DLG5: variants seen among roughly 807,000 people sequenced by gnomAD.
The protein encoded by DLG5 is discs large MAGUK scaffold protein 5.
Under a neutral mutation model 189.8 loss-of-function variants are expected in DLG5, and 48 were observed. The ratio of observed to expected loss-of-function variants is 0.25; its 90% CI spans 0.20 to 0.32. The LOEUF (loss-of-function observed/expected upper bound fraction) is 0.32, where lower values mean the gene tolerates loss of function less well. DLG5 is among the 10% of genes least tolerant of loss of function. The probability of loss-of-function intolerance (pLI) is 1.00; values close to 1 mark genes in which losing one functional copy is unlikely to be tolerated. For synonymous variants in DLG5, 1,016 were observed against 1,054.1 expected (o/e 0.96, Z 0.70); for missense variants, 2,160 against 2,544.7 (o/e 0.85, Z 3.25).
At chr10:77,853,594 A>C in intron 4 of DLG5, 57 bp from the exon 5 acceptor site, 2 of 1,421,850 alleles carry the variant, frequency 1.4e-6, no homozygotes, top group Non-Finnish European at 1.9e-6. Context: ...ACCCCGCCCC[A>C]CCCCAGGGCA....
chr10:77,894,142 G>A lies in DLG5; in HGVS notation c.305-24945C>T, dbSNP rs956880544. ...AGCCTGTGTGTGTGAGAGGCTGCACGTGCACATACAAAAACAGCAAGGTAT... is the reference window on the plus strand; with the variant it reads ...AGCCTGTGTGTGTGAGAGGCTGCACATGCACATACAAAAACAGCAAGGTAT... On this transcript the variant is annotated intron_variant, in intron 1 of 31. Coordinates refer to ENST00000372391, the MANE Select transcript of DLG5 (RefSeq NM_004747.4). Among the ~76,000 whole-genome samples, 5 of 152,186 alleles carry A rather than the reference G, an allele frequency of 3.3e-5. No individual in the cohort carries two copies. In the East Asian group the frequency reaches 9.6e-4, roughly 29 times the overall value.
Position 77,796,235 on chromosome 10 carries a change from G to C in DLG5, c.5309-47C>G, listed in dbSNP as rs1840915471. On this transcript the variant is annotated intron_variant, in intron 28 of 31. Coordinates refer to ENST00000372391, the MANE Select transcript of DLG5 (RefSeq NM_004747.4). This position sits in a 1 kb window ranked among gnomAD's most constrained non-coding sequence, Gnocchi z 5.2. Reference sequence around the variant, plus strand: ...ATCAGGGAGCCCCAGGCCCTGCTGAGCCCCAGCAGAGGGAGCAGGGGAAGA... The same window carrying C: ...ATCAGGGAGCCCCAGGCCCTGCTGACCCCCAGCAGAGGGAGCAGGGGAAGA... 1.2e-6 allele frequency: 2 copies of C among 1,613,036 alleles called. No homozygotes were observed. Among genetic ancestry groups the C allele is most frequent in the Admixed American group, 1.7e-5 (1 of 60,006 alleles).
chr10:77,825,231 C>T (rs1385024149), intron 13 of DLG5, among the ~76,000 whole-genome samples: 1 of 152,088 alleles, frequency 6.6e-6, no homozygotes, highest in African/African-American at 2.4e-5. Context: ...AAAAAATCAG[C>T]TGCCAGGGGG....
At chr10:77,877,457 AG>A (rs1352234634) in intron 1 of DLG5, among the ~76,000 whole-genome samples, 2 of 152,180 alleles carry the variant, frequency 1.3e-5, no homozygotes, top group Non-Finnish European at 2.9e-5. Context: ...AGCGAAGCAA[AG>A]GCTCCTGGAG....
chr10:77,869,475 G>A (rs138022798), intron 1 of DLG5: 239 of 451,974 alleles, frequency 5.3e-4, no homozygotes, highest in African/African-American at 4.8e-3. Flanking sequence ...GGGACATCTG[G>A]GGAAAGGCTT....
chr10:77,893,040 C>T (rs1352395124), intron 1 of DLG5, among the ~76,000 whole-genome samples: 1 of 152,252 alleles, frequency 6.6e-6, no homozygotes, highest in Non-Finnish European at 1.5e-5. Context: ...CTAGTCCCAG[C>T]CCTGCCTCTG....
At chr10:77,893,112 T>C (rs1845658626) in intron 1 of DLG5, among the ~76,000 whole-genome samples, 1 of 152,238 alleles carries the variant, frequency 6.6e-6, no homozygotes. Context: ...AAGCTCAGTT[T>C]CTTCCATTCT....
At chr10:77,866,063 A>C (rs1844669434) in intron 2 of DLG5, among the ~76,000 whole-genome samples, 1 of 152,188 alleles carries the variant, frequency 6.6e-6, no homozygotes, top group African/African-American at 2.4e-5. Flanking sequence ...TCCTAAGATC[A>C]CCATGTGACC....
At chr10:77,904,611 G>T (rs1248880) in intron 1 of DLG5, among the ~76,000 whole-genome samples, 1 of 151,666 alleles carries the variant, frequency 6.6e-6, no homozygotes, top group Non-Finnish European at 1.5e-5. Context: ...GTAAGTCTCG[G>T]GAGATCTGAT....
At chr10:77,844,122 G>A (rs1005900043) in intron 5 of DLG5, among the ~76,000 whole-genome samples, 2 of 152,158 alleles carry the variant, frequency 1.3e-5, no homozygotes, top group African/African-American at 2.4e-5. Flanking sequence ...GGCTTATGCT[G>A]AACACCTGCT....
intron 1 of DLG5, among the ~76,000 whole-genome samples, chr10:77,905,880 A>G (rs759629018): frequency 1.3e-5 from 2 of 152,174 alleles, no homozygotes; most frequent in East Asian, 1.9e-4. Context: ...GTATTGTTCT[A>G]TATCAGCAAT....
rs1842035419 is a variant in DLG5 at position 77,816,096 on chromosome 10, G to T, written c.4025+455C>A. On this transcript the variant is annotated intron_variant, in intron 20 of 31. Coordinates refer to ENST00000372391, the MANE Select transcript of DLG5 (RefSeq NM_004747.4). Reference sequence around the variant, plus strand: ...TCGAATGAGAGGGAAAAAGCAAAGGGTAAGAATGAGTCCCGGTGCCAGCCA... The same window carrying T: ...TCGAATGAGAGGGAAAAAGCAAAGGTTAAGAATGAGTCCCGGTGCCAGCCA... 1.0e-4 allele frequency: 49 copies of T among 468,920 alleles called. 2 individuals carry two copies. Among genetic ancestry groups the T allele is most frequent in the South Asian group, 7.6e-4 (49 of 64,682 alleles). The allele number at this position is 468,920 out of a possible 1,614,324, so 29.0% of individuals were successfully genotyped here.
At chr10:77,865,142 G>C (rs1023475428) in intron 2 of DLG5, among the ~76,000 whole-genome samples, 2 of 152,158 alleles carry the variant, frequency 1.3e-5, no homozygotes, top group African/African-American at 4.8e-5. Flanking sequence ...GAACAGAATA[G>C]CCAGTCGTGC....
intron 27 of DLG5, among the ~76,000 whole-genome samples, chr10:77,802,375 T>A (rs1841251375): frequency 6.6e-6 from 1 of 152,160 alleles, no homozygotes; most frequent in South Asian, 2.1e-4. Flanking sequence ...AAAATGGACA[T>A]TTTCAGACAC....
chr10:77,882,106 G>T (rs1190255997), intron 1 of DLG5, among the ~76,000 whole-genome samples: 1 of 152,220 alleles, frequency 6.6e-6, no homozygotes, highest in East Asian at 1.9e-4. Flanking sequence ...GGCTCCTGAG[G>T]TCATGGAGAA....
At chr10:77,831,594 C>A (rs1842898925) in intron 9 of DLG5, among the ~76,000 whole-genome samples, 2 of 152,144 alleles carry the variant, frequency 1.3e-5, no homozygotes, top group African/African-American at 4.8e-5. Flanking sequence ...AGACTGTGTG[C>A]TGCTGTCAGG....
At chr10:77,804,273 C>T (rs1026659665) in intron 27 of DLG5, among the ~76,000 whole-genome samples, 38 of 152,176 alleles carry the variant, frequency 2.5e-4, no homozygotes, top group African/African-American at 9.2e-4. Flanking sequence ...TTGTTATCAG[C>T]AAAGGGCTAA....
chr10:77,901,308 A>G (rs1047115694), intron 1 of DLG5, among the ~76,000 whole-genome samples: 1 of 152,178 alleles, frequency 6.6e-6, no homozygotes, highest in African/African-American at 2.4e-5. Context: ...TGAATAAATG[A>G]TGTTCCTTCT....
intron 1 of DLG5, among the ~76,000 whole-genome samples, chr10:77,892,992 T>C (rs1845654769): frequency 6.6e-6 from 1 of 152,258 alleles, no homozygotes. Flanking sequence ...GTATGCTGTG[T>C]GTGCAGGGAC....
Sources: allele counts gnomAD v4.1 joint callset (sites outside exome capture counted in the v4.1 genomes callset), GRCh38; gene constraint gnomAD v4.1.1; non-coding constraint Gnocchi (gnomAD v3.1); transcripts MANE v1.5; gene names NCBI Gene and HGNC (gene_info 2026-07-23, HGNC 2026-07-21).